Variants in RAB19 observed in about 807,000 individuals in gnomAD.
RAB19 encodes RAB19, member RAS oncogene family.
Under a neutral mutation model 17.3 loss-of-function variants are expected in RAB19, and 21 were observed. The observed-to-expected ratio is 1.21, with a 90% CI of 0.86 to 1.74. RAB19 has a LOEUF of 1.74. Among genes scored for constraint, RAB19 ranks in the 40% most tolerant of loss-of-function variants. RAB19 has a pLI of 0.00. For synonymous variants in RAB19, 126 were observed against 110.4 expected (o/e 1.14, Z -0.88); for missense variants, 277 against 286.8 (o/e 0.97, Z 0.25).
intron 3 of RAB19, among the ~76,000 whole-genome samples, chr7:140,412,655 A>T (rs1043623390): frequency 6.6e-6 from 1 of 150,792 alleles, no homozygotes; most frequent in African/African-American, 2.4e-5. Context: ...GGCATGAGCC[A>T]TTGTGCCTGG....
chr7:140,420,266 C>A (rs2130148465), intron 3 of RAB19, among the ~76,000 whole-genome samples: 1 of 151,978 alleles, frequency 6.6e-6, no homozygotes. Context: ...ACTAAAGATA[C>A]AAAAAATAGC....
Position 140,407,651 on chromosome 7 carries a change from A to G in RAB19, c.5A>G (p.His2Arg). 6.2e-7 allele frequency: 1 copy of G among 1,613,990 alleles called. No individual in the cohort carries two copies. The highest frequency in any genetic ancestry group is 1.3e-5 in the African/African-American group (1 of 75,008). Residue 2 changes from histidine (H) to arginine (R), a missense_variant, in exon 2 of 4, where the codon CAC (histidine) becomes CGC (arginine). His to Arg is a conservative substitution (Grantham distance 29). Transcript: ENST00000537763. The part of the protein sequence containing the change: M[H>R]FSSSARAADE... ...CTGTTCTAGGTGGCAAGAACCATGCACTTCTCCAGCTCAGCCAGGGCAGCA... is the reference window on the plus strand; with the variant it reads ...CTGTTCTAGGTGGCAAGAACCATGCGCTTCTCCAGCTCAGCCAGGGCAGCA...
chr7:140,417,472 A>G (rs1046821505), intron 3 of RAB19, among the ~76,000 whole-genome samples: 2 of 151,702 alleles, frequency 1.3e-5, no homozygotes, highest in African/African-American at 4.8e-5. Context: ...TCCTGGCTGC[A>G]GGGGTTCCTT....
In RAB19 at chr7:140,407,798, G is replaced by T; in HGVS notation, c.152G>T (p.Gly51Val). Residue 51 changes from glycine to valine, a missense_variant, in exon 2 of 4, where the codon GGA becomes GTA. Coordinates refer to ENST00000537763, the MANE Select transcript of RAB19 (RefSeq NM_001008749.3). Reference sequence around the variant, plus strand: ...ACTGAGACACAGCAGAACACGATTGGAGTGGACTTTACCGTGCGTTCCCTT... The same window carrying T: ...ACTGAGACACAGCAGAACACGATTGTAGTGGACTTTACCGTGCGTTCCCTT... ...VYTETQQNTI[G>V]VDFTVRSLDI... 2 of 1,613,640 alleles carry T rather than the reference G, an allele frequency of 1.2e-6. No individual in the cohort carries two copies. Among genetic ancestry groups the T allele is most frequent in the Non-Finnish European group, 1.7e-6 (2 of 1,179,922 alleles).
chr7:140,407,888 T>A, intron 2 of RAB19, 41 bp downstream of exon 2: 3 of 919,652 alleles, frequency 3.3e-6, no homozygotes, highest in Non-Finnish European at 4.7e-6. Flanking sequence ...ACCTTTTTTT[T>A]TTTTTTTTTT....
At chr7:140,409,309 A>G (rs1273292173) in intron 2 of RAB19, among the ~76,000 whole-genome samples, 1 of 152,044 alleles carries the variant, frequency 6.6e-6, no homozygotes, top group African/African-American at 2.4e-5. Flanking sequence ...GGTTACAGTG[A>G]GCCGAGATCA....
At chr7:140,408,861 C>T (rs545661220) in intron 2 of RAB19, among the ~76,000 whole-genome samples, 2 of 152,244 alleles carry the variant, frequency 1.3e-5, no homozygotes, top group East Asian at 1.9e-4. Flanking sequence ...CCGACTCAAG[C>T]GATCCTCTCA....
At chr7:140,406,493 A>C (rs1799243699) in intron 1 of RAB19, among the ~76,000 whole-genome samples, 1 of 151,454 alleles carries the variant, frequency 6.6e-6, no homozygotes, top group Non-Finnish European at 1.5e-5. Context: ...TACAAAAATT[A>C]CCTGGGTGTG....
chr7:140,412,076 T>A lies in RAB19; in HGVS notation c.385+19T>A, dbSNP rs1264393694. 1 of 1,602,792 alleles carries A rather than the reference T, an allele frequency of 6.2e-7. No homozygotes were observed. The highest frequency in any genetic ancestry group is 2.2e-5 in the East Asian group (1 of 44,820). Reference sequence around the variant, plus strand: ...CTGATTGGTATGGCATTTTTGAAGTTTTTAACTTTTGTTTACTCTCCTCTG... The same window carrying A: ...CTGATTGGTATGGCATTTTTGAAGTATTTAACTTTTGTTTACTCTCCTCTG... On this transcript the variant is annotated intron_variant, in intron 3 of 3. Coordinates refer to ENST00000537763, the MANE Select transcript of RAB19 (RefSeq NM_001008749.3).
In RAB19 at chr7:140,427,732, G is replaced by A. The variant is rs191041228; in HGVS notation, c.*1582G>A. 2.6e-5 allele frequency among the ~76,000 whole-genome samples: 4 copies of A among 151,752 alleles called. No homozygotes were observed. In the East Asian group the frequency reaches 5.8e-4, roughly 22 times the overall value. ...CTCCCAAAGTGCTGGGATTACAGGT[G>A]TGAACCACCGCACCTGGCCTTTTTT... On this transcript the variant is annotated 3_prime_UTR_variant, in exon 4 of 4. Coordinates refer to ENST00000537763, the MANE Select transcript of RAB19 (RefSeq NM_001008749.3).
At chr7:140,405,067 G>A (rs1395453771) in intron 1 of RAB19, among the ~76,000 whole-genome samples, 2 of 152,118 alleles carry the variant, frequency 1.3e-5, no homozygotes, top group Non-Finnish European at 2.9e-5. Context: ...CAGGGATGCT[G>A]ATGGTGGGAG....
At position 140,427,017 on chromosome 7, in the gene RAB19, T is replaced by C; in HGVS notation, c.*867T>C. Among the ~76,000 whole-genome samples, 1 of 151,598 alleles carries C rather than the reference T, an allele frequency of 6.6e-6. No individual in the cohort carries two copies. Among genetic ancestry groups the C allele is most frequent in the Non-Finnish European group, 1.5e-5 (1 of 67,916 alleles). ...CCACCACTCCTGGCTAATTTTTGTA[T>C]TTTTTGTAGAGACAAGGTTTCACCA... On this transcript the variant is annotated 3_prime_UTR_variant, in exon 4 of 4. Coordinates refer to ENST00000537763, the MANE Select transcript of RAB19 (RefSeq NM_001008749.3).
chr7:140,420,347 G>C (rs1434751988), intron 3 of RAB19, among the ~76,000 whole-genome samples: 1 of 151,452 alleles, frequency 6.6e-6, no homozygotes, highest in Non-Finnish European at 1.5e-5. Context: ...CTTGAACCCA[G>C]GAGGCAGAGG....
At chr7:140,412,453 G>A (rs1042707036) in intron 3 of RAB19, among the ~76,000 whole-genome samples, 1 of 151,738 alleles carries the variant, frequency 6.6e-6, no homozygotes, top group Non-Finnish European at 1.5e-5. Flanking sequence ...CTCCGTCGGG[G>A]GGAAAAAAAA....
intron 2 of RAB19, 145 bp from the exon 3 acceptor site, chr7:140,411,729 T>C: frequency 6.6e-7 from 1 of 1,515,976 alleles, no homozygotes; most frequent in Non-Finnish European, 8.8e-7. Flanking sequence ...AAAGAATAGA[T>C]CCCTGGGTCC....
rs1294686968 is a variant in RAB19 at position 140,420,886 on chromosome 7, T to C, written c.386-4996T>C. ...AGGAAGGAATATTTTGGTTTTCTTA[T>C]TTTTTATTTTATTTTTATTTTTTTG... On this transcript the variant is annotated intron_variant, in intron 3 of 3. Coordinates refer to ENST00000537763, the MANE Select transcript of RAB19 (RefSeq NM_001008749.3). Among the ~76,000 whole-genome samples the C allele has an allele frequency of 2.0e-5, 3 of 152,136 alleles. No individual in the cohort carries two copies. The East Asian group carries it at 5.8e-4, about 29-fold the overall frequency.
chr7:140,415,829 C>T (rs530792155), intron 3 of RAB19, among the ~76,000 whole-genome samples: 73 of 151,714 alleles, frequency 4.8e-4, no homozygotes, highest in African/African-American at 1.5e-3. Context: ...TGCTTGAACC[C>T]GGGAGGCGGA....
intron 3 of RAB19, among the ~76,000 whole-genome samples, chr7:140,419,734 T>C (rs956599890): frequency 1.3e-5 from 2 of 152,202 alleles, no homozygotes; most frequent in African/African-American, 4.8e-5. Flanking sequence ...GTGGTCGTTC[T>C]AGTGTGTACT....
chr7:140,419,532 A>G (rs1023971360), intron 3 of RAB19, among the ~76,000 whole-genome samples: 2 of 152,142 alleles, frequency 1.3e-5, no homozygotes, highest in African/African-American at 4.8e-5. Flanking sequence ...AACACCCTAC[A>G]GAGTATTTCT....
Sources: gnomAD v4.1 joint callset for allele counts (sites outside exome capture counted in the v4.1 genomes callset) on GRCh38, gnomAD v4.1.1 for gene constraint, MANE v1.5 for transcripts, NCBI Gene and HGNC (gene_info 2026-07-23, HGNC 2026-07-21) for gene names.